Variants in GPC6 observed in about 807,000 individuals in gnomAD.
The protein encoded by GPC6 is glypican 6.
GPC6 carries 14 observed loss-of-function variants against 55.2 expected under a neutral mutation model. That is an observed-to-expected ratio of 0.25 (90% CI 0.17 to 0.40). The LOEUF (loss-of-function observed/expected upper bound fraction) is 0.40, where lower values mean the gene tolerates loss of function less well. Among genes scored for constraint, GPC6 ranks in the 10% least tolerant of loss-of-function variants. GPC6 has a pLI of 1.00. For missense variants in GPC6, 641 were observed against 708.5 expected (o/e 0.90, Z 1.08); for synonymous variants, 278 against 259.6 (o/e 1.07, Z -0.68).
chr13:93,599,473 T>A (rs1877920319), intron 2 of GPC6, among the ~76,000 whole-genome samples: 1 of 152,148 alleles, frequency 6.6e-6, no homozygotes, highest in African/African-American at 2.4e-5. Context: ...GTCACTACAT[T>A]CTGCTTACTC....
At chr13:94,107,399 C>T (rs1422559513) in intron 4 of GPC6, among the ~76,000 whole-genome samples, 2 of 152,094 alleles carry the variant, frequency 1.3e-5, no homozygotes, top group Non-Finnish European at 2.9e-5. Flanking sequence ...TCTACATTTG[C>T]TGGCCTGTGT....
At chr13:94,029,838 C>G (rs1883044169) in intron 4 of GPC6, among the ~76,000 whole-genome samples, 1 of 152,174 alleles carries the variant, frequency 6.6e-6, no homozygotes, top group Non-Finnish European at 1.5e-5. Context: ...TGCTTTCGAT[C>G]AATTGAGTTT....
At chr13:94,037,659 T>C (rs1417582054) in intron 4 of GPC6, among the ~76,000 whole-genome samples, 1 of 151,958 alleles carries the variant, frequency 6.6e-6, no homozygotes, top group African/African-American at 2.4e-5. Context: ...CAGTGACCTG[T>C]TCAAGGTCAT....
intron 3 of GPC6, among the ~76,000 whole-genome samples, chr13:93,883,800 A>G (rs975541912): frequency 6.6e-6 from 1 of 152,130 alleles, no homozygotes; most frequent in African/African-American, 2.4e-5. Flanking sequence ...TAAATAATAT[A>G]ACTTGGCTCT....
intron 1 of GPC6, among the ~76,000 whole-genome samples, chr13:93,510,534 A>C (rs1321153671): frequency 6.6e-6 from 1 of 152,056 alleles, no homozygotes; most frequent in Admixed American, 6.6e-5. Context: ...TCCATTGTGT[A>C]TATATACCAC....
intron 1 of GPC6, among the ~76,000 whole-genome samples, chr13:93,306,968 A>G (rs997675082): frequency 5.3e-5 from 8 of 152,180 alleles, no homozygotes; most frequent in Non-Finnish European, 1.0e-4. Context: ...GGTGCTTAGA[A>G]GAGCAATAAA....
In GPC6 at chr13:93,580,473, G is replaced by A. The variant is rs555026372; in HGVS notation, c.319+35052G>A. Reference sequence around the variant, plus strand: ...GAAGACTACATTATACACATAGCAGGTGTCCTAATATTGTCATTAACTATT... The same window carrying A: ...GAAGACTACATTATACACATAGCAGATGTCCTAATATTGTCATTAACTATT... On this transcript the variant is annotated intron_variant, in intron 2 of 8. Coordinates refer to ENST00000377047, the MANE Select transcript of GPC6 (RefSeq NM_005708.5). Among the ~76,000 whole-genome samples, 6 of 152,298 alleles carry A rather than the reference G, an allele frequency of 3.9e-5. No homozygotes were observed. The South Asian group carries it at 1.2e-3, about 32-fold the overall frequency.
At chr13:93,406,406 G>A (rs1374234652) in intron 1 of GPC6, among the ~76,000 whole-genome samples, 2 of 152,084 alleles carry the variant, frequency 1.3e-5, no homozygotes, top group African/African-American at 4.8e-5. Flanking sequence ...GAAAATTCAG[G>A]ATTTCTGGCT....
intron 1 of GPC6, among the ~76,000 whole-genome samples, chr13:93,539,131 G>T (rs1882184678): frequency 6.6e-6 from 1 of 152,090 alleles, no homozygotes; most frequent in Non-Finnish European, 1.5e-5. Context: ...TAGAGATTTT[G>T]ATTGTGGATA....
chr13:94,146,699 A>G (rs1887573089), intron 4 of GPC6, among the ~76,000 whole-genome samples: 1 of 152,146 alleles, frequency 6.6e-6, no homozygotes, highest in Admixed American at 6.6e-5. Flanking sequence ...GAGAGATCAT[A>G]TAACACTTTG....
intron 2 of GPC6, among the ~76,000 whole-genome samples, chr13:93,663,823 A>C (rs1214804092): frequency 6.6e-6 from 1 of 152,186 alleles, no homozygotes; most frequent in Non-Finnish European, 1.5e-5. Flanking sequence ...GTATAGGTAA[A>C]AATGCATAAA....
At chr13:93,950,937 CT>C (rs1403159445) in intron 3 of GPC6, among the ~76,000 whole-genome samples, 1 of 152,120 alleles carries the variant, frequency 6.6e-6, no homozygotes, top group Non-Finnish European at 1.5e-5. Context: ...AGACACTGCA[CT>C]AGACATTTCC....
At chr13:93,279,758 A>C (rs911830797) in intron 1 of GPC6, among the ~76,000 whole-genome samples, 4 of 152,256 alleles carry the variant, frequency 2.6e-5, no homozygotes, top group African/African-American at 9.6e-5. Context: ...ACAGAAATGT[A>C]AAGGATGTGT....
At chr13:93,905,811 A>G (rs1352024672) in intron 3 of GPC6, among the ~76,000 whole-genome samples, 1 of 152,216 alleles carries the variant, frequency 6.6e-6, no homozygotes, top group Non-Finnish European at 1.5e-5. Flanking sequence ...ACAATGATGA[A>G]ATAAGCAGAA....
At chr13:93,603,897 C>A (rs1927688) in intron 2 of GPC6, among the ~76,000 whole-genome samples, 2,874 of 152,236 alleles carry the variant, frequency 0.019, 90 homozygotes, top group African/African-American at 0.066. Context: ...CTGATTAGAA[C>A]ATACTTAAAC....
chr13:93,276,895 T>G (rs1326832110), intron 1 of GPC6, among the ~76,000 whole-genome samples: 1 of 152,184 alleles, frequency 6.6e-6, no homozygotes, highest in Non-Finnish European at 1.5e-5. Flanking sequence ...TTAGGTGACT[T>G]GCAAAGAATT....
At chr13:94,392,542 G>C (rs1880698147) in intron 7 of GPC6, among the ~76,000 whole-genome samples, 1 of 149,286 alleles carries the variant, frequency 6.7e-6, no homozygotes, top group South Asian at 2.1e-4. Context: ...TGATTCTCCT[G>C]TCTCAGCCTC....
At chr13:94,089,172 G>A (rs7322215) in intron 4 of GPC6, among the ~76,000 whole-genome samples, 120,458 of 152,102 alleles carry the variant, frequency 0.79, 48,036 homozygotes, top group South Asian at 0.88. Context: ...GTATGCTAAT[G>A]ACTGTGCTCT....
chr13:93,998,181 T>G (rs1260072465), intron 3 of GPC6, among the ~76,000 whole-genome samples: 8 of 152,244 alleles, frequency 5.3e-5, no homozygotes. Context: ...TGCATATTAT[T>G]TCCATCATAC....
Sources: gnomAD v4.1 joint callset for allele counts (sites outside exome capture counted in the v4.1 genomes callset) on GRCh38, gnomAD v4.1.1 for gene constraint, MANE v1.5 for transcripts, NCBI Gene and HGNC (gene_info 2026-07-23, HGNC 2026-07-21) for gene names.